The following XCR1 variants were observed in gnomAD, a reference collection of about 807,000 sequenced individuals.
XCR1 encodes the protein chemokine XC receptor 1.
For synonymous variants in XCR1, 187 were observed against 188.5 expected, an observed-to-expected ratio of 0.99 and a Z score of 0.06; for missense variants, 356 against 424.2, an observed-to-expected ratio of 0.84 and a Z score of 1.41.
chr3:46,044,836 TAAAC>T (rs972062027), intron 5 of XCR1, among the ~76,000 whole-genome samples: 2 of 152,176 alleles, frequency 1.3e-5, no homozygotes, highest in African/African-American at 2.4e-5. Context: ...CTATAGCTAT[TAAAC>T]AAATTAAATC....
At chr3:46,047,899 G>A (rs1416123807) in intron 5 of XCR1, among the ~76,000 whole-genome samples, 1 of 152,226 alleles carries the variant, frequency 6.6e-6, no homozygotes, top group Non-Finnish European at 1.5e-5. Flanking sequence ...GGCCAGGACA[G>A]GGGGTCCATG....
chr3:46,054,551 G>T (rs34340587), intron 4 of XCR1, among the ~76,000 whole-genome samples: 7 of 151,798 alleles, frequency 4.6e-5, no homozygotes, highest in Non-Finnish European at 7.4e-5. Context: ...AAGGACGAGG[G>T]GGGGGCGAGT....
chr3:46,036,477 G>T (rs1697433163), intron 5 of XCR1, among the ~76,000 whole-genome samples: 3 of 152,210 alleles, frequency 2.0e-5, no homozygotes, highest in South Asian at 4.1e-4. Context: ...TAACAAATTG[G>T]CTTGTAAACA....
chr3:46,085,045 AC>A (rs1426324303), intron 1 of XCR1, among the ~76,000 whole-genome samples: 1 of 152,114 alleles, frequency 6.6e-6, no homozygotes, highest in African/African-American at 2.4e-5. Context: ...AGCTGGCCTC[AC>A]ATTGGCTCAA....
At chr3:46,078,324 C>A (rs1028258855) in intron 1 of XCR1, among the ~76,000 whole-genome samples, 1 of 152,162 alleles carries the variant, frequency 6.6e-6, no homozygotes, top group Non-Finnish European at 1.5e-5. Flanking sequence ...CCAGACTCAG[C>A]GCCTGGCCAG....
intron 4 of XCR1, among the ~76,000 whole-genome samples, chr3:46,061,020 G>A (rs1697951635): frequency 6.6e-6 from 1 of 152,122 alleles, no homozygotes; most frequent in Non-Finnish European, 1.5e-5. Flanking sequence ...CCATGATGGT[G>A]GAAAAAGTAT....
At chr3:46,065,238 T>C (rs1698045277) in intron 4 of XCR1, among the ~76,000 whole-genome samples, 2 of 152,208 alleles carry the variant, frequency 1.3e-5, no homozygotes, top group South Asian at 4.1e-4. Flanking sequence ...TATGTAGCAA[T>C]AGTCAAAACA....
Position 46,018,660 on chromosome 3 carries a change from AG to A in XCR1, c.*2285del, listed in dbSNP as rs1341002185. On this transcript the variant is annotated 3_prime_UTR_variant, in exon 2 of 2. Transcript: ENST00000309285. ...TGCTACTGGCCTCATTATTAAAACT[AG>A]GCCCTGGCTCTTCCCTAGACCGATA... The A allele has an allele frequency of 6.6e-6, 1 of 152,140 alleles. No individual in the cohort carries two copies. Among genetic ancestry groups the A allele is most frequent in the Non-Finnish European group, 1.5e-5 (1 of 68,042 alleles). 9.4% of individuals were successfully genotyped at this position (152,140 alleles called of 1,614,324 possible). A position where few individuals can be genotyped will look rare whatever the true frequency, so the allele number is the denominator to read the frequency against.
chr3:46,036,874 G>A (rs967311255), intron 5 of XCR1, among the ~76,000 whole-genome samples: 2 of 152,042 alleles, frequency 1.3e-5, no homozygotes, highest in African/African-American at 4.8e-5. Context: ...GTTATAAAAT[G>A]GTTAACAAGG....
At position 46,021,817 on chromosome 3, in the gene XCR1, A is replaced by T. The variant is rs770999354; in HGVS notation, c.131T>A (p.Leu44His). The change falls in exon 2 of 2, where the codon CTC becomes CAC. Residue 44 changes from leucine (L) to histidine (H), a missense_variant. Physicochemically the swap from Leu to His is moderately conservative, Grantham distance 99. Transcript: ENST00000309285. This position sits in a 1 kb window ranked among gnomAD's most constrained non-coding sequence, Gnocchi z 4.7. ...TTVLYCLVFL[L>H]SLVGNSLVLW... ...GACCAGGCTGTTGCCCACTAGGCTGAGGAGAAACACCAGGCAGTATAGGAC... is the reference window on the plus strand; with the variant it reads ...GACCAGGCTGTTGCCCACTAGGCTGTGGAGAAACACCAGGCAGTATAGGAC... The T allele has an allele frequency of 6.2e-7, 1 of 1,613,990 alleles. No homozygotes were observed. The highest frequency in any genetic ancestry group is 1.3e-5 in the African/African-American group (1 of 74,860).
At chr3:46,075,339 A>G (rs577894001) in intron 2 of XCR1, among the ~76,000 whole-genome samples, 1 of 150,022 alleles carries the variant, frequency 6.7e-6, no homozygotes, top group South Asian at 2.1e-4. Flanking sequence ...AACAACAAAA[A>G]TCAAAACCAA....
chr3:46,024,717 A>G (rs950203166), intron 1 of XCR1, among the ~76,000 whole-genome samples: 5 of 152,150 alleles, frequency 3.3e-5, no homozygotes, highest in African/African-American at 1.2e-4. Flanking sequence ...ATTGTTAGTT[A>G]TGCTTTTTTA....
At chr3:46,030,598 G>T (rs572633298), upstream of XCR1, among the ~76,000 whole-genome samples, 1 of 152,188 alleles carries the variant, frequency 6.6e-6, no homozygotes, top group Non-Finnish European at 1.5e-5. Flanking sequence ...TTTTGAGCTC[G>T]ATTATAACTA....
intron 5 of XCR1, among the ~76,000 whole-genome samples, chr3:46,042,818 T>C (rs949778171): frequency 1.2e-4 from 18 of 152,208 alleles, no homozygotes; most frequent in Non-Finnish European, 2.9e-5. Flanking sequence ...TCTTAATCTA[T>C]ATCTGTGAGG....
intron 3 of XCR1, among the ~76,000 whole-genome samples, chr3:46,069,143 A>C (rs893246178): frequency 6.6e-6 from 1 of 152,208 alleles, no homozygotes; most frequent in African/African-American, 2.4e-5. Flanking sequence ...AAATGCTTAC[A>C]TTAAAAAAGA....
intron 4 of XCR1, among the ~76,000 whole-genome samples, chr3:46,065,048 G>A (rs1024871398): frequency 6.6e-6 from 1 of 151,872 alleles, no homozygotes; most frequent in African/African-American, 2.4e-5. Flanking sequence ...CCAAGATCCC[G>A]CCATTGCACT....
At chr3:46,079,566 G>T (rs773873130) in intron 1 of XCR1, among the ~76,000 whole-genome samples, 2 of 151,988 alleles carry the variant, frequency 1.3e-5, no homozygotes, top group African/African-American at 4.8e-5. Context: ...CAAGTCCCCT[G>T]TCCTGCCCTT....
upstream of XCR1, among the ~76,000 whole-genome samples, chr3:46,031,292 C>T (rs1317352534): frequency 5.9e-5 from 9 of 152,348 alleles, no homozygotes; most frequent in East Asian, 1.5e-3. Context: ...CTGGGAAGGT[C>T]CCCCGCTGCC....
intron 4 of XCR1, among the ~76,000 whole-genome samples, chr3:46,057,451 T>C (rs961920646): frequency 5.9e-5 from 9 of 152,312 alleles, no homozygotes; most frequent in African/African-American, 1.7e-4. Flanking sequence ...TTTCCACATA[T>C]GTTAAAATAA....
Sources: allele counts gnomAD v4.1 joint callset (sites outside exome capture counted in the v4.1 genomes callset), GRCh38; gene constraint gnomAD v4.1.1; non-coding constraint Gnocchi (gnomAD v3.1); transcripts MANE v1.5; gene names NCBI Gene and HGNC (gene_info 2026-07-23, HGNC 2026-07-21).